The following RBFOX1 variants were observed in gnomAD, a reference collection of about 807,000 sequenced individuals.
RBFOX1 encodes RNA binding protein fox-1 homolog 1.
In RBFOX1, 8 loss-of-function variants were observed where a neutral mutation model predicts 57.7. That is an observed-to-expected ratio of 0.14 (90% CI 0.08 to 0.25). The LOEUF is 0.25. RBFOX1 is among the 10% of genes least tolerant of loss of function. The probability of loss-of-function intolerance (pLI) is 1.00; values close to 1 mark genes in which losing one functional copy is unlikely to be tolerated. For missense variants in RBFOX1, 611 were observed against 548.5 expected, an observed-to-expected ratio of 1.11 and a Z score of -1.14; for synonymous variants, 326 against 222.4, an observed-to-expected ratio of 1.47 and a Z score of -4.15.
At chr16:6,183,516 A>AAAT (rs1555540930) in intron 1 of RBFOX1, among the ~76,000 whole-genome samples, 1 of 150,614 alleles carries the variant, frequency 6.6e-6, no homozygotes, top group African/African-American at 2.4e-5. Flanking sequence ...ATAAATAAAT[A>AAAT]AATAAATAAA....
chr16:6,390,954 C>G (rs1158506267), intron 2 of RBFOX1, among the ~76,000 whole-genome samples: 4 of 152,134 alleles, frequency 2.6e-5, no homozygotes, highest in Admixed American at 1.3e-4. Flanking sequence ...ACATTCGAAG[C>G]TGGAGAATGC....
At chr16:6,811,395 A>G (rs1279540422) in intron 3 of RBFOX1, among the ~76,000 whole-genome samples, 3 of 152,256 alleles carry the variant, frequency 2.0e-5, no homozygotes, top group Admixed American at 1.3e-4. Flanking sequence ...TTTTAGCTAG[A>G]TAACATTGAA....
At chr16:5,535,583 T>G (rs948766874) in intron 2 of RBFOX1, among the ~76,000 whole-genome samples, 19 of 152,208 alleles carry the variant, frequency 1.2e-4, no homozygotes, top group African/African-American at 4.6e-4. Context: ...CTTCTGGGCT[T>G]ACAGCTCTCC....
chr16:6,537,412 A>T (rs1332362378), intron 2 of RBFOX1, among the ~76,000 whole-genome samples: 2 of 152,222 alleles, frequency 1.3e-5, no homozygotes, highest in Non-Finnish European at 2.9e-5. Flanking sequence ...AGCTAACATA[A>T]ATGGAGCCAT....
At position 7,102,675 on chromosome 16, in the gene RBFOX1, A is replaced by G. The variant is rs143512512; in HGVS notation, c.27+50577A>G. Reference sequence around the variant, plus strand: ...TTTCAACAGTGAACATTTCTCGCTAATCTTGCACACCAGCATGTGATAGTT... The same window carrying G: ...TTTCAACAGTGAACATTTCTCGCTAGTCTTGCACACCAGCATGTGATAGTT... On this transcript the variant is annotated intron_variant, in intron 4 of 15. Transcript: ENST00000550418. Among the ~76,000 whole-genome samples, 18 of 152,274 alleles carry G rather than the reference A, an allele frequency of 1.2e-4. No homozygotes were observed. In the East Asian group the frequency reaches 3.5e-3, roughly 29 times the overall value.
chr16:7,003,192 G>C (rs973629680), intron 3 of RBFOX1, among the ~76,000 whole-genome samples: 1 of 152,110 alleles, frequency 6.6e-6, no homozygotes, highest in African/African-American at 2.4e-5. Flanking sequence ...CAGGCACGGT[G>C]GCTCACGCCT....
chr16:7,459,125 G>A (rs1451636798), intron 4 of RBFOX1, among the ~76,000 whole-genome samples: 1 of 152,066 alleles, frequency 6.6e-6, no homozygotes, highest in African/African-American at 2.4e-5. Context: ...CAGTTGGGTG[G>A]GTGAGTGGAT....
chr16:5,407,133 G>A (rs761132751), intron 1 of RBFOX1, among the ~76,000 whole-genome samples: 11 of 152,140 alleles, frequency 7.2e-5, no homozygotes, highest in Non-Finnish European at 1.6e-4. Context: ...CTTGGTCTCA[G>A]GCAAGAGAGA....
intron 2 of RBFOX1, among the ~76,000 whole-genome samples, chr16:6,569,519 A>G (rs149506168): frequency 6.6e-6 from 1 of 152,226 alleles, no homozygotes; most frequent in Non-Finnish European, 1.5e-5. Context: ...AGTGTCCTAG[A>G]CAGACCTCTG....
chr16:5,769,889 C>T lies in RBFOX1; in HGVS notation c.319-97414C>T, dbSNP rs1208279312. The stretch of plus-strand genomic sequence containing the variant: ...ATTTGTGGTACTTTGTCATGACAAC[C>T]GTAGGAAATTCATGCAGGATGTTGG... On this transcript the variant is annotated intron_variant, in intron 3 of 19. Transcript: ENST00000641259. Among the ~76,000 whole-genome samples the T allele has an allele frequency of 3.3e-5, 5 of 152,030 alleles. No individual in the cohort carries two copies. The East Asian group carries it at 5.8e-4, about 18-fold the overall frequency.
At chr16:6,375,719 T>C (rs1596318076) in intron 2 of RBFOX1, among the ~76,000 whole-genome samples, 2 of 152,036 alleles carry the variant, frequency 1.3e-5, no homozygotes, top group East Asian at 3.9e-4. Context: ...TAACCCAAGG[T>C]CACCTGGCTC....
At chr16:7,336,698 A>G (rs1457440857) in intron 4 of RBFOX1, among the ~76,000 whole-genome samples, 3 of 152,206 alleles carry the variant, frequency 2.0e-5, no homozygotes, top group Admixed American at 2.0e-4. Flanking sequence ...TGTGCTAAAC[A>G]CTTAGATTTA....
chr16:6,229,236 T>C (rs2097439947), intron 1 of RBFOX1, among the ~76,000 whole-genome samples: 1 of 152,172 alleles, frequency 6.6e-6, no homozygotes, highest in African/African-American at 2.4e-5. Context: ...GCTGTTAAAA[T>C]AGAGAGCAAA....
At chr16:5,441,650 C>G (rs780863867) in intron 1 of RBFOX1, among the ~76,000 whole-genome samples, 2 of 152,138 alleles carry the variant, frequency 1.3e-5, no homozygotes, top group Non-Finnish European at 2.9e-5. Context: ...TGGGTGTGAG[C>G]CACTGTTCCT....
At chr16:7,031,768 C>G (rs117056344) in intron 3 of RBFOX1, among the ~76,000 whole-genome samples, 1 of 152,028 alleles carries the variant, frequency 6.6e-6, no homozygotes, top group Non-Finnish European at 1.5e-5. Context: ...CGTGTTTTAC[C>G]CACTGCAGAG....
At chr16:7,358,907 T>C (rs533857494) in intron 4 of RBFOX1, among the ~76,000 whole-genome samples, 31 of 152,338 alleles carry the variant, frequency 2.0e-4, no homozygotes, top group African/African-American at 7.2e-4. Context: ...ATTCTGCCCT[T>C]GACTCTCTAA....
At chr16:6,560,786 A>G (rs938592323) in intron 2 of RBFOX1, among the ~76,000 whole-genome samples, 3 of 152,208 alleles carry the variant, frequency 2.0e-5, no homozygotes, top group African/African-American at 7.2e-5. Context: ...CATAGACTGT[A>G]GGCCCTAAGA....
At chr16:5,316,169 T>C (rs2064232892) in intron 1 of RBFOX1, among the ~76,000 whole-genome samples, 1 of 152,238 alleles carries the variant, frequency 6.6e-6, no homozygotes, top group Non-Finnish European at 1.5e-5. Context: ...CTCCTTTACC[T>C]AGTTAACTCG....
At chr16:5,558,805 C>T (rs1362279969) in intron 2 of RBFOX1, among the ~76,000 whole-genome samples, 1 of 152,114 alleles carries the variant, frequency 6.6e-6, no homozygotes, top group African/African-American at 2.4e-5. Context: ...TCACTCAATG[C>T]ATCATGAGCA....
Sources: allele counts gnomAD v4.1 joint callset (sites outside exome capture counted in the v4.1 genomes callset), GRCh38; gene constraint gnomAD v4.1.1; transcripts MANE v1.5; gene names NCBI Gene and HGNC (gene_info 2026-07-23, HGNC 2026-07-21).